SMARCA2: variants seen among roughly 807,000 people sequenced by gnomAD.
SMARCA2 encodes SWI/SNF-related matrix-associated actin-dependent regulator of chromatin subfamily A member 2.
Under a neutral mutation model 199.8 loss-of-function variants are expected in SMARCA2, and 61 were observed. The observed-to-expected ratio is 0.31, with a 90% CI of 0.25 to 0.38. SMARCA2 has a LOEUF of 0.38. SMARCA2 is among the 10% of genes least tolerant of loss of function. The pLI is 1.00. For synonymous variants in SMARCA2, 935 were observed against 732.0 expected, an observed-to-expected ratio of 1.28 and a Z score of -4.48; for missense variants, 1,344 against 2,012.2, an observed-to-expected ratio of 0.67 and a Z score of 6.35.
At chr9:2,109,474 G>A (rs1179237632) in intron 23 of SMARCA2, among the ~76,000 whole-genome samples, 1 of 152,288 alleles carries the variant, frequency 6.6e-6, no homozygotes, top group East Asian at 1.9e-4. Context: ...GTTTGGTACT[G>A]TCTGCTTATT....
chr9:2,150,017 T>G (rs1310507485), intron 27 of SMARCA2, among the ~76,000 whole-genome samples: 1 of 151,562 alleles, frequency 6.6e-6, no homozygotes, highest in Non-Finnish European at 1.5e-5. Context: ...AATATGTGTA[T>G]GTGCATCTAT....
chr9:2,040,989 G>T, intron 4 of SMARCA2: 1 of 181,874 alleles, frequency 5.5e-6, no homozygotes, highest in Non-Finnish European at 1.1e-5. Context: ...CTTCCTTGAC[G>T]TTGATACCAT....
At chr9:2,038,801 C>T (rs552716843) in intron 3 of SMARCA2, among the ~76,000 whole-genome samples, 2 of 152,320 alleles carry the variant, frequency 1.3e-5, no homozygotes, top group East Asian at 3.9e-4. Context: ...CCAACTGTGA[C>T]AGTTGAGTGC....
chr9:2,153,233 A>G (rs1018586369), intron 27 of SMARCA2, among the ~76,000 whole-genome samples: 7 of 152,234 alleles, frequency 4.6e-5, no homozygotes, highest in Non-Finnish European at 1.0e-4. Context: ...GAAGAAAAGC[A>G]CTGTTCAAAG....
Position 2,192,870 on chromosome 9 carries a change from G to C in SMARCA2, c.*131G>C, listed in dbSNP as rs931389028. On this transcript the variant is annotated 3_prime_UTR_variant, in exon 34 of 34. Coordinates refer to ENST00000349721, the MANE Select transcript of SMARCA2 (RefSeq NM_003070.5). The stretch of plus-strand genomic sequence containing the variant: ...ATCATCGTCTATAAACTAGCTTTAG[G>C]ATAGTGCCAGACAAACATATGATAT... 2 of 697,852 alleles carry C rather than the reference G, an allele frequency of 2.9e-6. No individual in the cohort carries two copies. The highest frequency in any genetic ancestry group is 1.8e-5 in the African/African-American group (1 of 55,784). The allele number at this position is 697,852 out of a possible 1,614,324, so 43.2% of individuals were successfully genotyped here. A position where few individuals can be genotyped will look rare whatever the true frequency, so the allele number is the denominator to read the frequency against.
intron 1 of SMARCA2, among the ~76,000 whole-genome samples, chr9:2,026,821 C>G (rs1818852095): frequency 6.6e-6 from 1 of 152,132 alleles, no homozygotes; most frequent in African/African-American, 2.4e-5. Flanking sequence ...GCTGACTGAA[C>G]CTGTGTGAGG....
chr9:2,073,487 C>G, intron 11 of SMARCA2, 79 bp from the exon 12 acceptor site: 1 of 1,442,156 alleles, frequency 6.9e-7, no homozygotes, highest in Non-Finnish European at 9.6e-7. Context: ...ATAGAATGTG[C>G]TATTAAGTCA....
At chr9:2,191,004 G>A (rs1827841748) in intron 32 of SMARCA2, among the ~76,000 whole-genome samples, 1 of 149,320 alleles carries the variant, frequency 6.7e-6, no homozygotes. Context: ...GAAGGATCCA[G>A]CCCCACTGTC....
chr9:2,019,571 C>G (rs556232851), intron 1 of SMARCA2, among the ~76,000 whole-genome samples: 1 of 150,536 alleles, frequency 6.6e-6, no homozygotes, highest in South Asian at 2.1e-4. Context: ...GTATTCCTGA[C>G]ATGGTATAAC....
intron 24 of SMARCA2, among the ~76,000 whole-genome samples, chr9:2,113,855 C>T (rs113484582): frequency 1.1e-4 from 17 of 152,300 alleles, no homozygotes; most frequent in East Asian, 1.9e-4. Context: ...CTACTACTCG[C>T]GGGCTCGGTC....
chr9:2,137,191 G>T (rs1464437797), intron 27 of SMARCA2, among the ~76,000 whole-genome samples: 5 of 152,226 alleles, frequency 3.3e-5, no homozygotes, highest in Non-Finnish European at 7.3e-5. Context: ...GATCTGGAGT[G>T]TGTAACATTT....
intron 24 of SMARCA2, among the ~76,000 whole-genome samples, chr9:2,113,760 C>T (rs757791793): frequency 6.6e-6 from 1 of 152,168 alleles, no homozygotes; most frequent in African/African-American, 2.4e-5. Context: ...CCTGCTTCCT[C>T]ACCTGTTCTA....
chr9:2,065,044 G>T (rs984085292), intron 9 of SMARCA2, among the ~76,000 whole-genome samples: 2 of 152,156 alleles, frequency 1.3e-5, no homozygotes, highest in African/African-American at 4.8e-5. Context: ...AATTAGCCGG[G>T]CGTGGTGGCA....
intron 5 of SMARCA2, among the ~76,000 whole-genome samples, chr9:2,048,911 G>A (rs1819998502): frequency 6.6e-6 from 1 of 152,148 alleles, no homozygotes; most frequent in South Asian, 2.1e-4. Flanking sequence ...CATTCTGTAT[G>A]TTACTGTTGA....
At chr9:2,022,506 G>T (rs1472946120) in intron 1 of SMARCA2, among the ~76,000 whole-genome samples, 3 of 152,260 alleles carry the variant, frequency 2.0e-5, no homozygotes, top group Admixed American at 6.5e-5. Context: ...TTGTTGAATT[G>T]TTGTTGCTAC....
intron 29 of SMARCA2, among the ~76,000 whole-genome samples, chr9:2,176,771 T>C (rs1434534343): frequency 2.0e-5 from 3 of 151,876 alleles, no homozygotes; most frequent in South Asian, 2.1e-4. Context: ...TTGTCTGTGC[T>C]GGTCTTGAAT....
intron 27 of SMARCA2, chr9:2,158,931 G>A (rs1825517968): frequency 6.2e-7 from 1 of 1,611,320 alleles, no homozygotes; most frequent in South Asian, 1.1e-5. Flanking sequence ...AAGATGTTTT[G>A]TAGCTCTCTG....
intron 1 of SMARCA2, among the ~76,000 whole-genome samples, chr9:2,018,337 G>C (rs1357685177): frequency 6.6e-6 from 1 of 150,788 alleles, no homozygotes; most frequent in Admixed American, 6.6e-5. Flanking sequence ...ACTTTTGGGT[G>C]AGTTTTGCAA....
chr9:2,031,221 T>C (rs966919281), intron 2 of SMARCA2, among the ~76,000 whole-genome samples: 12 of 152,246 alleles, frequency 7.9e-5, no homozygotes, highest in Non-Finnish European at 1.2e-4. Context: ...CTGTCTCCTC[T>C]TTTTAACAGA....
Sources: gnomAD v4.1 joint callset for allele counts (sites outside exome capture counted in the v4.1 genomes callset) on GRCh38, gnomAD v4.1.1 for gene constraint, MANE v1.5 for transcripts, NCBI Gene and HGNC (gene_info 2026-07-23, HGNC 2026-07-21) for gene names.